LRRC45: variants seen among roughly 807,000 people sequenced by gnomAD.
LRRC45 encodes the protein leucine rich repeat containing 45.
In LRRC45, 73 loss-of-function variants were observed where a neutral mutation model predicts 85.4. The observed-to-expected ratio is 0.85, with a 90% CI of 0.71 to 1.04. The LOEUF is 1.04. Ranked by LOEUF, LRRC45 falls within the 50% of genes least tolerant of loss-of-function variation. The pLI is 0.00. For missense variants in LRRC45, 937 were observed against 883.3 expected, an observed-to-expected ratio of 1.06 and a Z score of -0.77; for synonymous variants, 429 against 386.0, an observed-to-expected ratio of 1.11 and a Z score of -1.31.
chr17:82,025,742 C>T (rs1418540937), intron 5 of LRRC45, among the ~76,000 whole-genome samples: 1 of 152,240 alleles, frequency 6.6e-6, no homozygotes, highest in African/African-American at 2.4e-5. Context: ...AGGACCTGTG[C>T]AGTGGAGGGT....
intron 10 of LRRC45, 32 bp downstream of exon 10, chr17:82,028,343 G>C: frequency 6.2e-7 from 1 of 1,605,460 alleles, no homozygotes. Flanking sequence ...AGGGAGCCCA[G>C]GGTGGGCGCG....
chr17:82,025,713 G>C (rs1330541872), intron 5 of LRRC45, among the ~76,000 whole-genome samples: 1 of 152,236 alleles, frequency 6.6e-6, no homozygotes, highest in Non-Finnish European at 1.5e-5. Context: ...GAGGCGCCCT[G>C]TGTACTTGCT....
At chr17:82,029,047 G>C (rs768823292) in intron 12 of LRRC45, 46 bp from the exon 13 acceptor site, 4 of 1,564,796 alleles carry the variant, frequency 2.6e-6, no homozygotes, top group Non-Finnish European at 3.5e-6. Flanking sequence ...AGAAGGTAGG[G>C]AGGCCCGCTC....
chr17:82,024,055 G>A (rs749186437), intron 1 of LRRC45, 192 bp downstream of exon 1: 1 of 714,684 alleles, frequency 1.4e-6, no homozygotes, highest in Non-Finnish European at 2.3e-6. Flanking sequence ...CTTAACATTC[G>A]CGGTCTTACC....
At chr17:82,024,467 C>G in intron 2 of LRRC45, 128 bp downstream of exon 2, 1 of 1,154,190 alleles carries the variant, frequency 8.7e-7, no homozygotes, top group Non-Finnish European at 1.2e-6. Flanking sequence ...GTCCCCAGGC[C>G]GCTCTCTGAT....
rs1318302201 is a variant in LRRC45, at chr17:82,030,997, C to T, written c.*192C>T. ...GAGGCGCCTGGGAAGGGCTCCCTAC[C>T]GGCCCCTTCTTCCCGGTCGACGCCA... On this transcript the variant is annotated 3_prime_UTR_variant, in exon 17 of 17. Transcript: ENST00000306688. 3 of 410,662 alleles carry T rather than the reference C, an allele frequency of 7.3e-6. No individual in the cohort carries two copies. The highest frequency in any genetic ancestry group is 4.1e-5 in the African/African-American group (2 of 48,870). The allele number at this position is 410,662 out of a possible 1,614,324, so 25.4% of individuals were successfully genotyped here.
chr17:82,024,818 C>G, intron 3 of LRRC45, 55 bp downstream of exon 3: 1 of 1,529,884 alleles, frequency 6.5e-7, no homozygotes, highest in East Asian at 2.3e-5. Context: ...GGATTGGCCC[C>G]GAGCACATGC....
intron 5 of LRRC45, among the ~76,000 whole-genome samples, chr17:82,026,137 C>T (rs1006207532): frequency 1.3e-5 from 2 of 152,252 alleles, no homozygotes; most frequent in African/African-American, 4.8e-5. Context: ...GCTGCGCCGT[C>T]CCTGGCTTCG....
Position 82,029,640 on chromosome 17 carries a change from G to C in LRRC45, c.1494+5G>C. 1 of 1,564,336 alleles carries C rather than the reference G, an allele frequency of 6.4e-7. No individual in the cohort carries two copies. The highest frequency in any genetic ancestry group is 8.7e-7 in the Non-Finnish European group (1 of 1,156,044). ...AGCCAGGCCCGCCTGGAGGAGGTGA[G>C]CCACACATGTCCGCCACCCTCCGGG... On this transcript the variant is annotated splice_donor_5th_base_variant and intron_variant, in intron 14 of 16. Coordinates refer to ENST00000306688, the MANE Select transcript of LRRC45 (RefSeq NM_144999.4).
rs370876125 is a variant in LRRC45 at position 82,028,498 on chromosome 17, C to A, written c.1227C>A (p.Ile409=). The A allele has an allele frequency of 3.1e-6, 5 of 1,612,212 alleles. No homozygotes were observed. The African/African-American group carries it at 6.7e-5, about 22-fold the overall frequency. Residue 409 remains isoleucine (I), a synonymous_variant, in exon 11 of 17, where the codon ATC becomes ATA. Transcript: ENST00000306688. ...CAGCTGAGCTGAAGATGCGGGCCAT[C>A]CAGGCCGAGGGTGGGCACGGGCAGG... The part of the protein sequence containing the change: ...SMSAELKMRA[I]QAEERLDMEK...
At position 82,028,629 on chromosome 17, in the gene LRRC45, G is replaced by T. The variant is rs772002641; in HGVS notation, c.1254G>T (p.Glu418Asp). 1 of 1,612,900 alleles carries T rather than the reference G, an allele frequency of 6.2e-7. No homozygotes were observed. Among genetic ancestry groups the T allele is most frequent in the African/African-American group, 1.3e-5 (1 of 75,064 alleles). Reference sequence around the variant, plus strand: ...GGCTTCCAGAGCGCCTGGACATGGAGAAGAGAAGATGCAGACAGAGCCTGG... The same window carrying T: ...GGCTTCCAGAGCGCCTGGACATGGATAAGAGAAGATGCAGACAGAGCCTGG... ...AIQAEERLDMEKRRCRQSLED... is the reference protein window; with the variant it reads ...AIQAEERLDMDKRRCRQSLED... The change falls in exon 12 of 17, where the codon GAG (glutamate) becomes GAT (aspartate). Residue 418 changes from glutamate (E) to aspartate (D), a missense_variant. Transcript: ENST00000306688.
chr17:82,027,829 G>A, intron 8 of LRRC45, 78 bp downstream of exon 8: 2 of 1,554,280 alleles, frequency 1.3e-6, no homozygotes, highest in Non-Finnish European at 1.8e-6. Context: ...CTGTGTGCAA[G>A]TCCTGTTTGC....
rs928858974 is a variant in LRRC45 at position 82,023,508 on chromosome 17, C to T, written c.-136C>T. 2.1e-5 allele frequency: 16 copies of T among 751,052 alleles called. No homozygotes were observed. The highest frequency in any genetic ancestry group is 3.1e-5 in the Admixed American group (1 of 32,416). 46.5% of individuals were successfully genotyped at this position (751,052 alleles called of 1,614,324 possible). On this transcript the variant is annotated 5_prime_UTR_variant, in exon 1 of 17. Transcript: ENST00000306688. ...TCCCAGGACCTCCCGCCCGCGGAGC[C>T]CACTCGGATTGCTCTCCGCCCGGGT...
chr17:82,025,163 A>G lies in LRRC45; in HGVS notation c.517A>G (p.Thr173Ala), dbSNP rs773441745. Residue 173 changes from threonine to alanine, a missense_variant, in exon 4 of 17, where the codon ACC becomes GCC. By Grantham distance (58) the Thr-to-Ala change is moderately conservative (BLOSUM62 0). Coordinates refer to ENST00000306688, the MANE Select transcript of LRRC45 (RefSeq NM_144999.4). ...ELALALKGNT[T>A]LQQLDLRWNN... ...GGCCCTAGCCCTGAAGGGCAACACC[A>G]CCCTCCAGCAGCTGGGTGAGGCCTC... is the stretch of plus-strand genomic sequence containing the variant. The G allele has an allele frequency of 5.0e-6, 8 of 1,596,134 alleles. No individual in the cohort carries two copies. In the South Asian group the frequency reaches 7.8e-5, roughly 16 times the overall value.
rs144900467 is a variant in LRRC45, at chr17:82,029,622, C to T, written c.1481C>T (p.Ala494Val). 160 of 1,572,016 alleles carry T rather than the reference C, an allele frequency of 1.0e-4. No individual in the cohort carries two copies. The highest frequency in any genetic ancestry group is 1.3e-4 in the Non-Finnish European group (153 of 1,160,444). ...EEELIKAKSQ[A>V]RLEEQQRLAH... is the part of the protein sequence containing the mutation. ...GAGCTGATCAAGGCCAAGAGCCAGG[C>T]CCGCCTGGAGGAGGTGAGCCACACA... The change falls in exon 14 of 17, where the codon GCC becomes GTC. Residue 494 changes from alanine (A) to valine (V), a missense_variant. Transcript: ENST00000306688.
intron 16 of LRRC45, 36 bp downstream of exon 16, chr17:82,030,502 T>G (rs1279785075): frequency 6.5e-7 from 1 of 1,531,004 alleles, no homozygotes; most frequent in African/African-American, 1.4e-5. Context: ...CGCCCACTGG[T>G]GGGACGTGAG....
At position 82,023,880 on chromosome 17, in the gene LRRC45, GGGT is replaced by G; in HGVS notation, c.220+20_220+22del. ...GCGAGGAAGGTGGGCAGGCGCGGCG[GGGT>G]GGATCCCTCTGCTCCTTAGCTGCCC... On this transcript the variant is annotated intron_variant, in intron 1 of 16. Coordinates refer to ENST00000306688, the MANE Select transcript of LRRC45 (RefSeq NM_144999.4). The G allele has an allele frequency of 6.5e-7, 1 of 1,545,794 alleles. No individual in the cohort carries two copies. Among genetic ancestry groups the G allele is most frequent in the Non-Finnish European group, 8.7e-7 (1 of 1,147,076 alleles).
In LRRC45 at chr17:82,025,144, A is replaced by G. The variant is rs748164337; in HGVS notation, c.498A>G (p.Leu166=). 4 of 1,607,792 alleles carry G rather than the reference A, an allele frequency of 2.5e-6. No homozygotes were observed. In the African/African-American group the frequency reaches 4.0e-5, roughly 16 times the overall value. The change falls in exon 4 of 17, where the codon CTA becomes CTG. Residue 166 remains leucine, a synonymous_variant. Coordinates refer to ENST00000306688, the MANE Select transcript of LRRC45 (RefSeq NM_144999.4). ...ACAAGGGCGCGGAGGAGCTGGCCCT[A>G]GCCCTGAAGGGCAACACCACCCTCC... is the stretch of plus-strand genomic sequence containing the variant. ...ISHKGAEELA[L]ALKGNTTLQQ...
chr17:82,026,319 G>A (rs1216183716), intron 5 of LRRC45, among the ~76,000 whole-genome samples: 4 of 152,140 alleles, frequency 2.6e-5, no homozygotes, highest in Admixed American at 6.5e-5. Context: ...TGCCTTTTGC[G>A]GTGGAGCAGC....
Sources: gnomAD v4.1 joint callset for allele counts (sites outside exome capture counted in the v4.1 genomes callset) on GRCh38, gnomAD v4.1.1 for gene constraint, MANE v1.5 for transcripts, NCBI Gene and HGNC (gene_info 2026-07-23, HGNC 2026-07-21) for gene names.